The following PDXP variants were observed in gnomAD, a reference collection of about 807,000 sequenced individuals.
PDXP encodes chronophin.
A neutral mutation model predicts 14.4 loss-of-function variants in PDXP; 15 were observed. The observed-to-expected ratio is 1.04, with a 90% CI of 0.70 to 1.60. PDXP has a LOEUF of 1.60. PDXP is among the 40% of genes most tolerant of loss of function. The pLI is 0.00. For missense variants in PDXP, 413 were observed against 427.6 expected (o/e 0.97, Z 0.30); for synonymous variants, 233 against 205.6 (o/e 1.13, Z -1.14).
chr22:37,658,942 G>A lies in PDXP; in HGVS notation c.160G>A (p.Ala54Thr). The change falls in exon 1 of 2, where the codon GCT (alanine) becomes ACT (threonine). Residue 54 changes from alanine to threonine, a missense_variant. Coordinates refer to ENST00000215904, the MANE Select transcript of PDXP (RefSeq NM_020315.5). ...GCGGCTGGCGCGGGCCGGCAAGGCGGCTCTGTTTGTGAGCAACAACAGCCG... is the reference window on the plus strand; with the variant it reads ...GCGGCTGGCGCGGGCCGGCAAGGCGACTCTGTTTGTGAGCAACAACAGCCG... ...LERLARAGKAALFVSNNSRRA... is the reference protein window; with the variant it reads ...LERLARAGKATLFVSNNSRRA... 8.2e-7 allele frequency: 1 copy of A among 1,214,054 alleles called. No homozygotes were observed. Among genetic ancestry groups the A allele is most frequent in the East Asian group, 3.5e-5 (1 of 28,534 alleles). 75.2% of individuals were successfully genotyped at this position (1,214,054 alleles called of 1,614,324 possible).
At position 37,658,730 on chromosome 22, in the gene PDXP, C is replaced by G; in HGVS notation, c.-53C>G. On this transcript the variant is annotated 5_prime_UTR_variant, in exon 1 of 2. Coordinates refer to ENST00000215904, the MANE Select transcript of PDXP (RefSeq NM_020315.5). Reference sequence around the variant, plus strand: ...TGCGTGGAACGTGCCAGGGAGAGCGCGCCGTGCCCGCGGAGAGAGCGCGGC... The same window carrying G: ...TGCGTGGAACGTGCCAGGGAGAGCGGGCCGTGCCCGCGGAGAGAGCGCGGC... 9.2e-7 allele frequency: 1 copy of G among 1,085,528 alleles called. No individual in the cohort carries two copies. The highest frequency in any genetic ancestry group is 1.1e-6 in the Non-Finnish European group (1 of 878,670). 67.2% of individuals were successfully genotyped at this position (1,085,528 alleles called of 1,614,324 possible). A position where few individuals can be genotyped will look rare whatever the true frequency, so the allele number is the denominator to read the frequency against.
At chr22:37,663,146 CA>C (rs937632415) in intron 1 of PDXP, among the ~76,000 whole-genome samples, 1 of 148,634 alleles carries the variant, frequency 6.7e-6, no homozygotes, top group Non-Finnish European at 1.5e-5. Context: ...TAAAAAAATA[CA>C]AAAAAAATTA....
chr22:37,659,247 C>T lies in PDXP; in HGVS notation c.465C>T (p.Ser155=). Residue 155 remains serine (S), a synonymous_variant, in exon 1 of 2, where the codon TCC becomes TCT. Coordinates refer to ENST00000215904, the MANE Select transcript of PDXP (RefSeq NM_020315.5). The stretch of plus-strand genomic sequence containing the variant: ...TTGTGGGCTACGACGAGCACTTCTC[C>T]TTCGCCAAGCTGAGGGAGGCGTGCG... ...AVLVGYDEHF[S]FAKLREACAH... The T allele has an allele frequency of 3.0e-6, 4 of 1,324,654 alleles. No homozygotes were observed. The highest frequency in any genetic ancestry group is 3.9e-6 in the Non-Finnish European group (4 of 1,031,936). The allele number at this position is 1,324,654 out of a possible 1,614,324, so 82.1% of individuals were successfully genotyped here. A position where few individuals can be genotyped will look rare whatever the true frequency, so the allele number is the denominator to read the frequency against.
chr22:37,658,968 G>A lies in PDXP; in HGVS notation c.186G>A (p.Arg62=). ...KAALFVSNNS[R]RARPELALRF... ...CTCTGTTTGTGAGCAACAACAGCCG[G>A]CGCGCGCGGCCCGAGCTGGCCCTGC... The change falls in exon 1 of 2, where the codon CGG becomes CGA. Residue 62 remains arginine, a synonymous_variant. Coordinates refer to ENST00000215904, the MANE Select transcript of PDXP (RefSeq NM_020315.5). The A allele has an allele frequency of 1.7e-6, 2 of 1,204,268 alleles. No homozygotes were observed. Among genetic ancestry groups the A allele is most frequent in the Non-Finnish European group, 2.1e-6 (2 of 968,246 alleles). The allele number at this position is 1,204,268 out of a possible 1,614,324, so 74.6% of individuals were successfully genotyped here.
chr22:37,658,761 AGGCCGGCGGCCGGC>A lies in PDXP; in HGVS notation c.-21_-8del. Reference sequence around the variant, plus strand: ...GCCCGCGGAGAGAGCGCGGCGCGGGAGGCCGGCGGCCGGCCGGCTGCATGGCGCGCTGCGAGAGG... The same window carrying A: ...GCCCGCGGAGAGAGCGCGGCGCGGGACGGCTGCATGGCGCGCTGCGAGAGG... On this transcript the variant is annotated 5_prime_UTR_variant, in exon 1 of 2. Transcript: ENST00000215904. 8.7e-7 allele frequency: 1 copy of A among 1,147,412 alleles called. No individual in the cohort carries two copies. Among genetic ancestry groups the A allele is most frequent in the Non-Finnish European group, 1.1e-6 (1 of 932,176 alleles). 71.1% of individuals were successfully genotyped at this position (1,147,412 alleles called of 1,614,324 possible).
chr22:37,661,958 T>G (rs1601596084), intron 1 of PDXP, among the ~76,000 whole-genome samples: 1 of 91,694 alleles, frequency 1.1e-5, no homozygotes, highest in Non-Finnish European at 2.1e-5. Flanking sequence ...TTTTTTTTTT[T>G]TGAGACAGAG....
Position 37,666,593 on chromosome 22 carries a change from G to C in PDXP, c.*722G>C, listed in dbSNP as rs1052858198. Reference sequence around the variant, plus strand: ...AATCTGGGTCTCACGGGACCAGCTAGGGGTCCAGGTTTCAGTCAGTAAATA... The same window carrying C: ...AATCTGGGTCTCACGGGACCAGCTACGGGTCCAGGTTTCAGTCAGTAAATA... On this transcript the variant is annotated 3_prime_UTR_variant, in exon 2 of 2. Transcript: ENST00000215904. 2.4e-5 allele frequency: 4 copies of C among 167,272 alleles called. No individual in the cohort carries two copies. Among genetic ancestry groups the C allele is most frequent in the South Asian group, 4.1e-4 (2 of 4,820 alleles). 10.4% of individuals were successfully genotyped at this position (167,272 alleles called of 1,614,324 possible). A position where few individuals can be genotyped will look rare whatever the true frequency, so the allele number is the denominator to read the frequency against.
At chr22:37,665,244 C>A in intron 1 of PDXP, 1 of 443,566 alleles carries the variant, frequency 2.3e-6, no homozygotes, top group South Asian at 3.0e-5. Flanking sequence ...TGTTTACCTG[C>A]AGTAGCTCCA....
intron 1 of PDXP, among the ~76,000 whole-genome samples, chr22:37,662,457 T>C (rs1336243695): frequency 6.6e-6 from 1 of 152,172 alleles, no homozygotes; most frequent in African/African-American, 2.4e-5. Context: ...GCCATGATTA[T>C]ACCATGTGCT....
At chr22:37,662,358 T>C (rs1202739677) in intron 1 of PDXP, among the ~76,000 whole-genome samples, 2 of 151,936 alleles carry the variant, frequency 1.3e-5, no homozygotes, top group African/African-American at 4.8e-5. Flanking sequence ...CTGAGTGGAG[T>C]GTTGTCAGCC....
In PDXP at chr22:37,658,758, G is replaced by GGGAGGCC. The variant is rs1354638060; in HGVS notation, c.-22_-16dup. 28 of 1,152,452 alleles carry GGGAGGCC rather than the reference G, an allele frequency of 2.4e-5. No homozygotes were observed. The highest frequency in any genetic ancestry group is 8.5e-5 in the South Asian group (2 of 23,468). The allele number at this position is 1,152,452 out of a possible 1,614,324, so 71.4% of individuals were successfully genotyped here. ...CGTGCCCGCGGAGAGAGCGCGGCGC[G>GGGAGGCC]GGAGGCCGGCGGCCGGCCGGCTGCA... On this transcript the variant is annotated 5_prime_UTR_variant, in exon 1 of 2. Coordinates refer to ENST00000215904, the MANE Select transcript of PDXP (RefSeq NM_020315.5).
intron 1 of PDXP, among the ~76,000 whole-genome samples, chr22:37,664,082 C>T (rs745494246): frequency 1.3e-5 from 2 of 151,706 alleles, no homozygotes; most frequent in African/African-American, 2.4e-5. Context: ...AGGCATGCGC[C>T]GCCATGCCTG....
chr22:37,660,113 G>C (rs1230922524), intron 1 of PDXP, among the ~76,000 whole-genome samples: 1 of 152,164 alleles, frequency 6.6e-6, no homozygotes, highest in Admixed American at 6.5e-5. Flanking sequence ...GAGCCTAGGA[G>C]GTCAAGGCTG....
chr22:37,664,406 C>G (rs1921001836), intron 1 of PDXP, among the ~76,000 whole-genome samples: 1 of 152,174 alleles, frequency 6.6e-6, no homozygotes, highest in Non-Finnish European at 1.5e-5. Context: ...TAAAGTGACT[C>G]TTAATAGTAC....
At chr22:37,660,696 G>A (rs1382499303) in intron 1 of PDXP, among the ~76,000 whole-genome samples, 2 of 152,182 alleles carry the variant, frequency 1.3e-5, no homozygotes, top group Admixed American at 6.5e-5. Flanking sequence ...CCACTGACCC[G>A]GACAGTCATT....
chr22:37,665,552 C>A lies in PDXP; in HGVS notation c.575-3C>A. 2 of 1,599,390 alleles carry A rather than the reference C, an allele frequency of 1.3e-6. No individual in the cohort carries two copies. Among genetic ancestry groups the A allele is most frequent in the Non-Finnish European group, 8.5e-7 (1 of 1,174,876 alleles). ...TGCTGACTGCGTCTCCATCTCCCTA[C>A]AGGCACCGGGAGCCTGGCCGCTGCA... On this transcript the variant is annotated splice_polypyrimidine_tract_variant and splice_region_variant and intron_variant, in intron 1 of 1. Transcript: ENST00000215904.
intron 1 of PDXP, among the ~76,000 whole-genome samples, chr22:37,663,919 CTTTT>C (rs11335821): frequency 1.0e-5 from 1 of 98,310 alleles, no homozygotes; most frequent in Non-Finnish European, 2.0e-5. Flanking sequence ...AATACGTTGA[CTTTT>C]TTTTTTTTTT....
intron 1 of PDXP, 32 bp downstream of exon 1, chr22:37,659,388 G>A: frequency 7.8e-7 from 1 of 1,279,584 alleles, no homozygotes; most frequent in Non-Finnish European, 9.9e-7. Flanking sequence ...AAACTGAGAT[G>A]GGGGCGACCT....
chr22:37,662,566 C>T (rs918432586), intron 1 of PDXP, among the ~76,000 whole-genome samples: 5 of 152,222 alleles, frequency 3.3e-5, no homozygotes, highest in Admixed American at 6.5e-5. Flanking sequence ...TGCAGTAGCA[C>T]ACACCTTCAT....
Sources: gnomAD v4.1 joint callset for allele counts (sites outside exome capture counted in the v4.1 genomes callset) on GRCh38, gnomAD v4.1.1 for gene constraint, MANE v1.5 for transcripts, NCBI Gene and HGNC (gene_info 2026-07-23, HGNC 2026-07-21) for gene names.